The following GPC6 variants were observed in gnomAD, a reference collection of about 807,000 sequenced individuals.
GPC6 encodes the protein glypican-6.
A neutral mutation model predicts 55.2 loss-of-function variants in GPC6; 14 were observed. The observed-to-expected ratio is 0.25, with a 90% CI of 0.17 to 0.40. GPC6 has a LOEUF of 0.40. Among genes scored for constraint, GPC6 ranks in the 10% least tolerant of loss-of-function variants. The pLI, the probability that GPC6 is intolerant of heterozygous loss-of-function variation, is 1.00. For synonymous variants in GPC6, 278 were observed against 259.6 expected (o/e 1.07, Z -0.68); for missense variants, 641 against 708.5 (o/e 0.90, Z 1.08).
At chr13:93,603,772 A>C (rs1878122801) in intron 2 of GPC6, among the ~76,000 whole-genome samples, 1 of 152,248 alleles carries the variant, frequency 6.6e-6, no homozygotes, top group Non-Finnish European at 1.5e-5. Flanking sequence ...GTCATTCTAC[A>C]AGGGGGACAC....
intron 1 of GPC6, among the ~76,000 whole-genome samples, chr13:93,287,789 G>C (rs1458783817): frequency 6.6e-6 from 1 of 152,094 alleles, no homozygotes; most frequent in Non-Finnish European, 1.5e-5. Flanking sequence ...TATATTAAAG[G>C]ATTATTTGCA....
In GPC6 at chr13:94,272,249, G is replaced by A. The variant is rs114732141; in HGVS notation, c.878-14100G>A. 7.0e-3 allele frequency among the ~76,000 whole-genome samples: 1,070 copies of A among 151,960 alleles called. 14 individuals are homozygous for A. Among genetic ancestry groups the A allele is most frequent in the African/African-American group, 0.024 (1,008 of 41,478 alleles). The stretch of plus-strand genomic sequence containing the variant: ...TTTTTATTGGTTCTGGGAGAGGTTT[G>A]TGATTCATTCCATGTAGGTTGCAAG... On this transcript the variant is annotated intron_variant, in intron 4 of 8. Transcript: ENST00000377047.
chr13:93,945,197 A>G (rs78976975), intron 3 of GPC6, among the ~76,000 whole-genome samples: 5,871 of 152,312 alleles, frequency 0.039, 126 homozygotes, highest in Middle Eastern at 0.061. Context: ...TTACTGACCC[A>G]AAGGATTATA....
At chr13:94,172,098 C>G (rs1888588344) in intron 4 of GPC6, among the ~76,000 whole-genome samples, 1 of 152,144 alleles carries the variant, frequency 6.6e-6, no homozygotes, top group South Asian at 2.1e-4. Flanking sequence ...GCAGCAGCAA[C>G]TTGCCCTCAG....
In GPC6 at chr13:93,302,957, AAATGCCTAT is replaced by A. The variant is rs770926013; in HGVS notation, c.160+75343_160+75351del. Among the ~76,000 whole-genome samples the A allele has an allele frequency of 3.1e-4, 47 of 152,324 alleles. 1 individual carries two copies. Among genetic ancestry groups the A allele is most frequent in the Non-Finnish European group, 3.8e-4 (26 of 68,032 alleles). On this transcript the variant is annotated intron_variant, in intron 1 of 8. Coordinates refer to ENST00000377047, the MANE Select transcript of GPC6 (RefSeq NM_005708.5). The stretch of plus-strand genomic sequence containing the variant: ...AAGCAAAACTTGAGCTAATTCTTAT[AAATGCCTAT>A]ATAAAAGAAAAACAGAACATAAGCT...
intron 3 of GPC6, among the ~76,000 whole-genome samples, chr13:93,975,788 T>C (rs571505379): frequency 6.6e-6 from 1 of 152,248 alleles, no homozygotes; most frequent in South Asian, 2.1e-4. Context: ...GACATTTTGG[T>C]GTTAAATGTA....
intron 1 of GPC6, among the ~76,000 whole-genome samples, chr13:93,256,587 A>G (rs1218732763): frequency 6.6e-6 from 1 of 152,160 alleles, no homozygotes; most frequent in Non-Finnish European, 1.5e-5. Context: ...GTACACATAT[A>G]ATGAACAATC....
chr13:93,401,755 A>G (rs1229724625), intron 1 of GPC6, among the ~76,000 whole-genome samples: 1 of 129,622 alleles, frequency 7.7e-6, no homozygotes, highest in Non-Finnish European at 1.6e-5. Flanking sequence ...AGCATTGGCT[A>G]GTTTATTTTT....
chr13:94,245,778 A>T (rs1891178844), intron 4 of GPC6, among the ~76,000 whole-genome samples: 1 of 151,948 alleles, frequency 6.6e-6, no homozygotes, highest in Non-Finnish European at 1.5e-5. Flanking sequence ...TCATCCACTG[A>T]TGGACACCTA....
At chr13:94,330,866 T>C (rs1877374100) in intron 6 of GPC6, among the ~76,000 whole-genome samples, 1 of 152,052 alleles carries the variant, frequency 6.6e-6, no homozygotes, top group Non-Finnish European at 1.5e-5. Flanking sequence ...AGTGGGTTTG[T>C]TGGGTTGATT....
At chr13:93,939,193 G>A (rs1441448302) in intron 3 of GPC6, among the ~76,000 whole-genome samples, 1 of 151,454 alleles carries the variant, frequency 6.6e-6, no homozygotes, top group Non-Finnish European at 1.5e-5. Context: ...GAAAACATTA[G>A]ATTCTATATG....
At chr13:94,176,880 A>G (rs532483302) in intron 4 of GPC6, among the ~76,000 whole-genome samples, 1 of 152,332 alleles carries the variant, frequency 6.6e-6, no homozygotes, top group South Asian at 2.1e-4. Flanking sequence ...CTGTAACATA[A>G]GTAACCAAGA....
upstream of GPC6, among the ~76,000 whole-genome samples, chr13:93,226,202 T>C (rs189200732): frequency 4.6e-5 from 7 of 152,248 alleles, no homozygotes; most frequent in African/African-American, 1.2e-4. Flanking sequence ...TTTATGCACC[T>C]CTGACCCTTG....
chr13:94,110,062 T>TA (rs78404632), intron 4 of GPC6, among the ~76,000 whole-genome samples: 16,581 of 84,462 alleles, frequency 0.2, 1,236 homozygotes, highest in East Asian at 0.35. Flanking sequence ...CACCCTGGAC[T>TA]AAAAAAAAAA....
intron 4 of GPC6, among the ~76,000 whole-genome samples, 188 bp downstream of exon 4, chr13:94,028,082 T>G (rs188318420): frequency 6.6e-6 from 1 of 151,976 alleles, no homozygotes; most frequent in Non-Finnish European, 1.5e-5. Context: ...CTGGACAACA[T>G]AGTGAGATTC....
In GPC6 at chr13:93,853,567, T is replaced by TA. The variant is rs546245713; in HGVS notation, c.711+23030dup. ...CTAAAACCTTCAATCGAGACAGAAA[T>TA]AAAAAAAATATGAATTTTAAAATTT... is the stretch of plus-strand genomic sequence containing the variant. On this transcript the variant is annotated intron_variant, in intron 3 of 8. Coordinates refer to ENST00000377047, the MANE Select transcript of GPC6 (RefSeq NM_005708.5). 2.2e-3 allele frequency among the ~76,000 whole-genome samples: 333 copies of TA among 151,384 alleles called. 2 individuals are homozygous for TA. The highest frequency in any genetic ancestry group is 7.5e-3 in the African/African-American group (309 of 41,360).
intron 6 of GPC6, among the ~76,000 whole-genome samples, chr13:94,318,883 A>G (rs1271520381): frequency 2.0e-5 from 3 of 152,160 alleles, no homozygotes; most frequent in Non-Finnish European, 4.4e-5. Flanking sequence ...TTTCTTTCCA[A>G]TATTAATGTA....
At chr13:94,369,249 C>G (rs1879419239) in intron 6 of GPC6, among the ~76,000 whole-genome samples, 1 of 152,174 alleles carries the variant, frequency 6.6e-6, no homozygotes, top group African/African-American at 2.4e-5. Flanking sequence ...GGGCCAGATG[C>G]ACACAACAGG....
chr13:94,045,082 G>A (rs1808124787), intron 4 of GPC6, among the ~76,000 whole-genome samples: 1 of 151,548 alleles, frequency 6.6e-6, no homozygotes, highest in African/African-American at 2.4e-5. Flanking sequence ...TTAATATTAG[G>A]GAAACATTTT....
Sources: allele counts gnomAD v4.1 joint callset (sites outside exome capture counted in the v4.1 genomes callset), GRCh38; gene constraint gnomAD v4.1.1; transcripts MANE v1.5; gene names NCBI Gene and HGNC (gene_info 2026-07-23, HGNC 2026-07-21).